STK4: variants seen among roughly 807,000 people sequenced by gnomAD.
The protein encoded by STK4 is serine/threonine kinase 4.
Under a neutral mutation model 64.9 loss-of-function variants are expected in STK4, and 30 were observed. The ratio of observed to expected loss-of-function variants is 0.46; its 90% CI spans 0.35 to 0.63. The LOEUF (loss-of-function observed/expected upper bound fraction) is 0.63. Among genes scored for constraint, STK4 ranks in the 20% least tolerant of loss-of-function variants. STK4 has a pLI of 0.01. For missense variants in STK4, 466 were observed against 598.5 expected, an observed-to-expected ratio of 0.78 and a Z score of 2.31; for synonymous variants, 177 against 199.0, an observed-to-expected ratio of 0.89 and a Z score of 0.93.
chr20:44,980,886 T>A (rs2067426189), intron 3 of STK4, among the ~76,000 whole-genome samples: 1 of 152,076 alleles, frequency 6.6e-6, no homozygotes, highest in African/African-American at 2.4e-5. Flanking sequence ...GCCAGGATGG[T>A]CTCGATCTCC....
intron 2 of STK4, chr20:44,975,015 A>G (rs1451990559): frequency 6.6e-6 from 1 of 152,208 alleles, no homozygotes; most frequent in African/African-American, 2.4e-5. Context: ...AAAGTTGTAC[A>G]CATTGACTCA....
chr20:45,044,902 G>A (rs1357148159), intron 10 of STK4, among the ~76,000 whole-genome samples: 1 of 152,042 alleles, frequency 6.6e-6, no homozygotes, highest in Non-Finnish European at 1.5e-5. Context: ...CAGAGTTGGA[G>A]AAAGGATCAA....
intron 10 of STK4, among the ~76,000 whole-genome samples, chr20:45,047,309 G>A (rs1267825508): frequency 6.6e-6 from 1 of 152,100 alleles, no homozygotes; most frequent in African/African-American, 2.4e-5. Context: ...TCCCACCCTT[G>A]GTGCATGATT....
At chr20:45,027,800 A>G (rs1426374079) in intron 10 of STK4, among the ~76,000 whole-genome samples, 2 of 152,124 alleles carry the variant, frequency 1.3e-5, no homozygotes, top group African/African-American at 4.8e-5. Flanking sequence ...CCGTCATTCT[A>G]CACTCTGTCT....
chr20:44,985,551 C>A (rs1052238346), intron 4 of STK4, among the ~76,000 whole-genome samples: 6 of 152,144 alleles, frequency 3.9e-5, no homozygotes, highest in African/African-American at 1.4e-4. Context: ...CCATGTTGGC[C>A]AGGCTGGTCT....
At chr20:45,023,059 C>G (rs746764099) in intron 9 of STK4, among the ~76,000 whole-genome samples, 12 of 152,158 alleles carry the variant, frequency 7.9e-5, no homozygotes, top group Non-Finnish European at 1.6e-4. Flanking sequence ...ATAAAGTGGT[C>G]AAAGACTGAT....
At chr20:44,975,983 T>A (rs1337995942) in intron 2 of STK4, among the ~76,000 whole-genome samples, 1 of 152,136 alleles carries the variant, frequency 6.6e-6, no homozygotes, top group African/African-American at 2.4e-5. Flanking sequence ...GAAAAAGAAA[T>A]AATGAAGCAA....
chr20:45,011,452 T>C (rs1198159853), intron 9 of STK4, among the ~76,000 whole-genome samples: 2 of 151,978 alleles, frequency 1.3e-5, no homozygotes, highest in East Asian at 3.9e-4. Context: ...GTTGGGAGAT[T>C]GGATACCTCA....
intron 4 of STK4, among the ~76,000 whole-genome samples, chr20:44,983,309 A>C (rs2067473584): frequency 6.6e-6 from 1 of 152,196 alleles, no homozygotes. Context: ...TGTTTTAGAA[A>C]GATAACTCTG....
chr20:45,025,255 G>A, intron 10 of STK4, 125 bp downstream of exon 10: 1 of 1,106,730 alleles, frequency 9.0e-7, no homozygotes, highest in Admixed American at 3.0e-5. Context: ...AGTGTCTACT[G>A]AGCTGAAGGA....
intron 9 of STK4, among the ~76,000 whole-genome samples, chr20:45,005,174 G>A (rs1444133851): frequency 6.6e-6 from 1 of 152,044 alleles, no homozygotes; most frequent in African/African-American, 2.4e-5. Flanking sequence ...CTGGCAAAGT[G>A]TATGCATAAG....
intron 10 of STK4, among the ~76,000 whole-genome samples, chr20:45,070,038 C>T (rs1042128200): frequency 4.6e-5 from 7 of 152,130 alleles, no homozygotes; most frequent in African/African-American, 2.4e-5. Flanking sequence ...TAAGGAAGAA[C>T]AGGGCATGAA....
rs955441281 is a variant in STK4, at chr20:44,987,555, A to C, written c.525+259A>C. ...AAGAAATGATAGATTACTCTAGTGCACTACATCAACATATTTATAAAAGGA... is the reference window on the plus strand; with the variant it reads ...AAGAAATGATAGATTACTCTAGTGCCCTACATCAACATATTTATAAAAGGA... On this transcript the variant is annotated intron_variant, in intron 5 of 10. Coordinates refer to ENST00000372806, the MANE Select transcript of STK4 (RefSeq NM_006282.5). Among the ~76,000 whole-genome samples the C allele has an allele frequency of 2.6e-5, 4 of 152,216 alleles. No individual in the cohort carries two copies. The East Asian group carries it at 7.7e-4, about 29-fold the overall frequency.
At chr20:45,070,827 G>T (rs1037072568) in intron 10 of STK4, among the ~76,000 whole-genome samples, 1 of 150,370 alleles carries the variant, frequency 6.7e-6, no homozygotes, top group Non-Finnish European at 1.5e-5. Flanking sequence ...GGCAGAGGTT[G>T]CAGTGAGCTG....
intron 1 of STK4, among the ~76,000 whole-genome samples, chr20:44,968,285 G>A (rs1227447258): frequency 6.6e-6 from 1 of 152,238 alleles, no homozygotes; most frequent in East Asian, 1.9e-4. Context: ...CCACAGGTGC[G>A]TGCCACCACG....
intron 9 of STK4, among the ~76,000 whole-genome samples, chr20:45,021,372 T>G (rs908466775): frequency 6.6e-6 from 1 of 152,238 alleles, no homozygotes; most frequent in African/African-American, 2.4e-5. Flanking sequence ...TGCAATGTAA[T>G]GACAGTGTTA....
chr20:45,031,136 A>T (rs2068435408), intron 10 of STK4, among the ~76,000 whole-genome samples: 1 of 152,130 alleles, frequency 6.6e-6, no homozygotes, highest in Non-Finnish European at 1.5e-5. Context: ...ACATTAAGCC[A>T]GTACCCTAGT....
rs1980666376 is a variant in STK4 at position 45,078,222 on chromosome 20, T to C, written c.*3046T>C. The C allele has an allele frequency of 6.6e-6, 1 of 151,402 alleles. No individual in the cohort carries two copies. Among genetic ancestry groups the C allele is most frequent in the Non-Finnish European group, 1.5e-5 (1 of 67,830 alleles). 9.4% of individuals were successfully genotyped at this position (151,402 alleles called of 1,614,324 possible). A position where few individuals can be genotyped will look rare whatever the true frequency, so the allele number is the denominator to read the frequency against. On this transcript the variant is annotated 3_prime_UTR_variant, in exon 11 of 11. Transcript: ENST00000372806. Reference sequence around the variant, plus strand: ...TTTTTGTTTGTGTTTTTTTTTTTTTTTGAGACAGAGTCTCACTCTGTTGCC... The same window carrying C: ...TTTTTGTTTGTGTTTTTTTTTTTTTCTGAGACAGAGTCTCACTCTGTTGCC...
intron 10 of STK4, among the ~76,000 whole-genome samples, chr20:45,069,223 C>G (rs1211178446): frequency 6.6e-6 from 1 of 152,158 alleles, no homozygotes; most frequent in Non-Finnish European, 1.5e-5. Flanking sequence ...TCTAAATAAC[C>G]ATGATTAAGA....
Sources: gnomAD v4.1 joint callset for allele counts (sites outside exome capture counted in the v4.1 genomes callset) on GRCh38, gnomAD v4.1.1 for gene constraint, MANE v1.5 for transcripts, NCBI Gene and HGNC (gene_info 2026-07-23, HGNC 2026-07-21) for gene names.